The following ERBB4 variants were observed in gnomAD, a reference collection of about 807,000 sequenced individuals.
The protein encoded by ERBB4 is receptor tyrosine-protein kinase erbB-4.
In ERBB4, 42 loss-of-function variants were observed where a neutral mutation model predicts 158.0. The ratio of observed to expected loss-of-function variants is 0.27; its 90% CI spans 0.21 to 0.34. The LOEUF (loss-of-function observed/expected upper bound fraction) is 0.34. Ranked by LOEUF, ERBB4 falls within the 10% of genes least tolerant of loss-of-function variation. ERBB4 has a pLI of 1.00. For synonymous variants in ERBB4, 583 were observed against 558.7 expected, an observed-to-expected ratio of 1.04 and a Z score of -0.61; for missense variants, 1,333 against 1,624.1, an observed-to-expected ratio of 0.82 and a Z score of 3.08.
At chr2:212,510,932 CTATT>C (rs1429005179) in intron 1 of ERBB4, among the ~76,000 whole-genome samples, 1 of 151,968 alleles carries the variant, frequency 6.6e-6, no homozygotes, top group African/African-American at 2.4e-5. Context: ...ATTTTCATGA[CTATT>C]TGATTTATAG....
intron 1 of ERBB4, among the ~76,000 whole-genome samples, chr2:212,275,928 T>C (rs997471275): frequency 2.6e-5 from 4 of 151,794 alleles, no homozygotes. Context: ...GTACTTTTAA[T>C]TTTTAGTATT....
At chr2:211,437,244 A>T (rs1397161063) in intron 20 of ERBB4, among the ~76,000 whole-genome samples, 1 of 152,218 alleles carries the variant, frequency 6.6e-6, no homozygotes, top group Non-Finnish European at 1.5e-5. Context: ...TGTTTTGCTC[A>T]TAGCTCTTAA....
At chr2:211,818,940 T>C (rs1158519198) in intron 3 of ERBB4, among the ~76,000 whole-genome samples, 1 of 152,084 alleles carries the variant, frequency 6.6e-6, no homozygotes, top group African/African-American at 2.4e-5. Context: ...AATAAACAAG[T>C]GACACAGTTT....
chr2:212,459,638 T>C (rs887925617), intron 1 of ERBB4, among the ~76,000 whole-genome samples: 2 of 152,062 alleles, frequency 1.3e-5, no homozygotes, highest in Non-Finnish European at 1.5e-5. Flanking sequence ...GCCAAAGCTA[T>C]CTTGACCAAA....
intron 1 of ERBB4, among the ~76,000 whole-genome samples, chr2:212,282,222 T>C (rs1026784494): frequency 1.3e-5 from 2 of 151,816 alleles, no homozygotes; most frequent in Non-Finnish European, 2.9e-5. Context: ...GATATGTATT[T>C]TTTCAATTCC....
At chr2:211,549,262 A>T (rs1433759820) in intron 20 of ERBB4, among the ~76,000 whole-genome samples, 1 of 152,098 alleles carries the variant, frequency 6.6e-6, no homozygotes, top group Non-Finnish European at 1.5e-5. Flanking sequence ...TGAGAAATTG[A>T]CTTATTTCTA....
intron 22 of ERBB4, 39 bp downstream of exon 22, chr2:211,428,369 T>G (rs541940614): frequency 1.8e-6 from 2 of 1,124,748 alleles, no homozygotes; most frequent in African/African-American, 3.1e-5. Flanking sequence ...TATGTATTTT[T>G]GCTTTACAAG....
chr2:211,435,792 G>T (rs1342015849), intron 20 of ERBB4, among the ~76,000 whole-genome samples: 1 of 152,162 alleles, frequency 6.6e-6, no homozygotes, highest in Non-Finnish European at 1.5e-5. Context: ...GTGCCAAAAA[G>T]GTTGGGGACT....
intron 1 of ERBB4, among the ~76,000 whole-genome samples, chr2:212,494,351 GA>G (rs1690443132): frequency 6.6e-6 from 1 of 151,972 alleles, no homozygotes; most frequent in Non-Finnish European, 1.5e-5. Context: ...TGTGCACACA[GA>G]AAGACTCCAT....
intron 2 of ERBB4, among the ~76,000 whole-genome samples, chr2:212,108,523 A>G (rs1176885576): frequency 1.3e-5 from 2 of 152,154 alleles, no homozygotes; most frequent in African/African-American, 4.8e-5. Context: ...TATTTTTTAT[A>G]CCATACTTTA....
At chr2:211,742,877 T>TA (rs537670060) in intron 5 of ERBB4, among the ~76,000 whole-genome samples, 32 of 151,080 alleles carry the variant, frequency 2.1e-4, no homozygotes, top group African/African-American at 4.8e-4. Flanking sequence ...TATTTTTAAT[T>TA]AAAAAAAAAG....
intron 3 of ERBB4, among the ~76,000 whole-genome samples, chr2:211,816,844 A>C (rs1014228662): frequency 2.6e-5 from 4 of 152,180 alleles, no homozygotes; most frequent in Non-Finnish European, 5.9e-5. Flanking sequence ...CCCTGTTTGT[A>C]GAAATGTCAG....
At chr2:211,702,264 A>G (rs1339223182) in intron 11 of ERBB4, 98 bp from the exon 12 acceptor site, 1 of 881,588 alleles carries the variant, frequency 1.1e-6, no homozygotes, top group African/African-American at 1.7e-5. Flanking sequence ...AATGGTGTAT[A>G]AATGGAAACT....
At chr2:211,757,501 TATTC>T (rs2075311470) in intron 4 of ERBB4, among the ~76,000 whole-genome samples, 1 of 152,216 alleles carries the variant, frequency 6.6e-6, no homozygotes, top group Non-Finnish European at 1.5e-5. Flanking sequence ...ATCATCATGA[TATTC>T]ATTCAAGCAA....
At position 211,759,969 on chromosome 2, in the gene ERBB4, C is replaced by T. The variant is rs140108861; in HGVS notation, c.557-9265G>A. Reference sequence around the variant, plus strand: ...TTATTTCTTTGGTAGATTTACCTTCCGTCATATAGACATGCCAAAATTCAA... The same window carrying T: ...TTATTTCTTTGGTAGATTTACCTTCTGTCATATAGACATGCCAAAATTCAA... On this transcript the variant is annotated intron_variant, in intron 4 of 27. Transcript: ENST00000342788. Among the ~76,000 whole-genome samples the T allele has an allele frequency of 2.4e-3, 362 of 152,104 alleles. 2 individuals are homozygous for T. The highest frequency in any genetic ancestry group is 8.0e-3 in the African/African-American group (333 of 41,502).
intron 1 of ERBB4, among the ~76,000 whole-genome samples, chr2:212,398,071 T>C (rs2091081526): frequency 6.6e-6 from 1 of 151,246 alleles, no homozygotes; most frequent in Admixed American, 6.6e-5. Flanking sequence ...TATAAATTAA[T>C]GATCACTGAA....
At chr2:211,566,037 C>A (rs559203143) in intron 19 of ERBB4, among the ~76,000 whole-genome samples, 1 of 152,284 alleles carries the variant, frequency 6.6e-6, no homozygotes, top group East Asian at 1.9e-4. Context: ...AGGACTGCAA[C>A]AAGATGATGA....
chr2:211,792,775 G>T (rs927769643), intron 3 of ERBB4, among the ~76,000 whole-genome samples: 2 of 151,818 alleles, frequency 1.3e-5, no homozygotes, highest in African/African-American at 2.4e-5. Flanking sequence ...CTCCACAAAG[G>T]TTAACCATTG....
At chr2:212,016,324 C>T (rs977433069) in intron 2 of ERBB4, among the ~76,000 whole-genome samples, 3 of 151,770 alleles carry the variant, frequency 2.0e-5, no homozygotes, top group Admixed American at 6.6e-5. Context: ...TGGACTGAAA[C>T]CCAGGTAAAT....
Sources: allele counts gnomAD v4.1 joint callset (sites outside exome capture counted in the v4.1 genomes callset), GRCh38; gene constraint gnomAD v4.1.1; transcripts MANE v1.5; gene names NCBI Gene and HGNC (gene_info 2026-07-23, HGNC 2026-07-21).